Variants in TRIOBP observed in about 807,000 individuals in gnomAD.
TRIOBP encodes TRIO and F-actin-binding protein.
A neutral mutation model predicts 238.8 loss-of-function variants in TRIOBP; 169 were observed. The ratio of observed to expected loss-of-function variants is 0.71; its 90% CI spans 0.62 to 0.80. The LOEUF is 0.80. Ranked by LOEUF, TRIOBP falls within the 30% of genes least tolerant of loss-of-function variation. TRIOBP has a pLI of 0.00. For missense variants in TRIOBP, 2,838 were observed against 3,122.6 expected (o/e 0.91, Z 2.17); for synonymous variants, 1,150 against 1,274.4 (o/e 0.90, Z 2.08).
intron 18 of TRIOBP, among the ~76,000 whole-genome samples, chr22:37,766,369 G>T (rs1926494351): frequency 6.6e-6 from 1 of 152,268 alleles, no homozygotes; most frequent in Admixed American, 6.5e-5. Context: ...CTAGGGGTTT[G>T]CAGAACAATA....
At chr22:37,745,021 C>A (rs1393535007) in intron 11 of TRIOBP, among the ~76,000 whole-genome samples, 1 of 152,058 alleles carries the variant, frequency 6.6e-6, no homozygotes, top group Admixed American at 6.6e-5. Context: ...CCTGACACCA[C>A]GCCCGGCTAA....
At position 37,734,452 on chromosome 22, in the gene TRIOBP, GC is replaced by G; in HGVS notation, c.4121del (p.Pro1374LeufsTer70). On this transcript the variant is annotated frameshift_variant, in exon 9 of 24. Coordinates refer to ENST00000644935, the MANE Select transcript of TRIOBP (RefSeq NM_001039141.3). LOFTEE classifies it high-confidence loss of function. ...AELTRRSQAE[P>X]PHPWSPEKRP... The stretch of plus-strand genomic sequence containing the variant: ...AACTGACCCGGCGGAGCCAAGCAGA[GC>G]CCCCTCATCCTTGGAGTCCTGAGAA... The G allele has an allele frequency of 6.2e-7, 1 of 1,612,804 alleles. No individual in the cohort carries two copies. The highest frequency in any genetic ancestry group is 8.5e-7 in the Non-Finnish European group (1 of 1,179,746).
At chr22:37,764,675 C>T (rs553919144) in intron 17 of TRIOBP, among the ~76,000 whole-genome samples, 1 of 152,344 alleles carries the variant, frequency 6.6e-6, no homozygotes, top group African/African-American at 2.4e-5. Flanking sequence ...CCACCCCCAA[C>T]ACACACCGTT....
At chr22:37,744,095 G>A (rs1304365278) in intron 11 of TRIOBP, among the ~76,000 whole-genome samples, 1 of 146,764 alleles carries the variant, frequency 6.8e-6, no homozygotes, top group African/African-American at 2.5e-5. Flanking sequence ...CGCAACCTAC[G>A]CCTCCCAGGT....
In TRIOBP at chr22:37,713,211, G is replaced by A; in HGVS notation, c.256G>A (p.Gly86Ser). 1 of 1,613,056 alleles carries A rather than the reference G, an allele frequency of 6.2e-7. No individual in the cohort carries two copies. The highest frequency in any genetic ancestry group is 8.5e-7 in the Non-Finnish European group (1 of 1,179,634). ...DPGLRPGPKRGPSPSAGLPEE... is the reference protein window; with the variant it reads ...DPGLRPGPKRSPSPSAGLPEE... ...TTTTGGGTCTGTCTCCTCTCCCAGG[G>A]GCCCATCCCCCTCAGCAGGGCTCCC... Residue 86 changes from glycine to serine, a missense_variant and splice_region_variant, in exon 5 of 24, where the codon GGC becomes AGC. Physicochemically the swap from Gly to Ser is moderately conservative, Grantham distance 56. Around this residue, in one of 5 missense-constraint regions of TRIOBP, gnomAD observed 535 missense variants for 537.3 expected, o/e 1.00. Coordinates refer to ENST00000644935, the MANE Select transcript of TRIOBP (RefSeq NM_001039141.3).
At position 37,765,725 on chromosome 22, in the gene TRIOBP, AGGAGCTGCAGCGGCACCACGAGCG is replaced by A. The variant is rs1926456942; in HGVS notation, c.6393_6416del (p.His2132_Arg2139del). The A allele has an allele frequency of 1.3e-6, 2 of 1,562,046 alleles. No individual in the cohort carries two copies. The highest frequency in any genetic ancestry group is 2.7e-5 in the African/African-American group (2 of 73,496). On this transcript the variant is annotated inframe_deletion, in exon 18 of 24. Transcript: ENST00000644935. ...GAGTCCTCGCACCAGCAGGTGATGG[AGGAGCTGCAGCGGCACCACGAGCG>A]GGAGCTGCAGCGCCTGCAGCAGGAG...
intron 11 of TRIOBP, among the ~76,000 whole-genome samples, chr22:37,743,345 A>C (rs1384587169): frequency 6.6e-6 from 1 of 152,216 alleles, no homozygotes. Flanking sequence ...TTACCTTATT[A>C]TTCTCAGTAG....
At chr22:37,718,230 C>G (rs1233868825) in intron 6 of TRIOBP, among the ~76,000 whole-genome samples, 1 of 152,224 alleles carries the variant, frequency 6.6e-6, no homozygotes, top group African/African-American at 2.4e-5. Flanking sequence ...TCCCTCCACA[C>G]CTCCGTGCAA....
intron 21 of TRIOBP, among the ~76,000 whole-genome samples, chr22:37,770,555 T>G (rs1487212430): frequency 1.3e-5 from 2 of 152,128 alleles, no homozygotes; most frequent in African/African-American, 2.4e-5. Flanking sequence ...TTTTGTATTT[T>G]TAGTAGAGAC....
Position 37,733,311 on chromosome 22 carries a change from G to A in TRIOBP, c.3961G>A (p.Ala1321Thr), listed in dbSNP as rs1329573714. 6.4e-7 allele frequency: 1 copy of A among 1,550,828 alleles called. No individual in the cohort carries two copies. Among genetic ancestry groups the A allele is most frequent in the Non-Finnish European group, 8.7e-7 (1 of 1,147,036 alleles). Residue 1321 changes from alanine to threonine, a missense_variant, in exon 8 of 24, where the codon GCG becomes ACG. Physicochemically the swap from Ala to Thr is moderately conservative, Grantham distance 58. Coordinates refer to ENST00000644935, the MANE Select transcript of TRIOBP (RefSeq NM_001039141.3). ...FGQERRKSEA[A>T]GAFQAQDEGR... ...ATTTGCTCATAGGAAGTCCGAGGCA[G>A]CGGGGGCCTTCCAGGCCCAGGACGA...
At position 37,751,902 on chromosome 22, in the gene TRIOBP, G is replaced by A. The variant is rs530080653; in HGVS notation, c.5379+74G>A. 63 of 1,515,550 alleles carry A rather than the reference G, an allele frequency of 4.2e-5. 1 individual carries two copies. In the Middle Eastern group the frequency reaches 5.9e-4, roughly 14 times the overall value. 93.9% of individuals were successfully genotyped at this position (1,515,550 alleles called of 1,614,324 possible). Reference sequence around the variant, plus strand: ...GGGCCCCTGGGCAGCCCAGGAGTGGGGGTGGGGCTGGGGCTGGTGTGAGAA... The same window carrying A: ...GGGCCCCTGGGCAGCCCAGGAGTGGAGGTGGGGCTGGGGCTGGTGTGAGAA... On this transcript the variant is annotated intron_variant, in intron 12 of 23. Transcript: ENST00000644935.
intron 1 of TRIOBP, among the ~76,000 whole-genome samples, chr22:37,697,377 C>T (rs915596578): frequency 1.3e-5 from 2 of 152,126 alleles, no homozygotes; most frequent in Non-Finnish European, 2.9e-5. Context: ...AAATGAGCGG[C>T]GTTCTCCTGC....
At chr22:37,760,833 C>T (rs755136667) in intron 17 of TRIOBP, among the ~76,000 whole-genome samples, 1 of 151,878 alleles carries the variant, frequency 6.6e-6, no homozygotes. Context: ...AATAGCCGGG[C>T]GTGGTGGTGC....
chr22:37,755,342 C>G (rs1925860095), intron 14 of TRIOBP, 152 bp downstream of exon 14: 1 of 944,740 alleles, frequency 1.1e-6, no homozygotes, highest in South Asian at 1.4e-5. Flanking sequence ...AGCTGTGATG[C>G]CAACACTTAG....
chr22:37,706,989 C>T (rs893389859), intron 3 of TRIOBP, among the ~76,000 whole-genome samples: 4 of 151,986 alleles, frequency 2.6e-5, no homozygotes, highest in South Asian at 2.1e-4. Flanking sequence ...GACACTGGGC[C>T]GGGCGCGGTG....
intron 12 of TRIOBP, among the ~76,000 whole-genome samples, chr22:37,753,315 C>T (rs537240525): frequency 4.6e-5 from 7 of 152,074 alleles, no homozygotes; most frequent in African/African-American, 1.7e-4. Flanking sequence ...ACTCTTGTTG[C>T]CCAGGCTGGA....
intron 12 of TRIOBP, among the ~76,000 whole-genome samples, chr22:37,752,364 G>T (rs1347377072): frequency 1.3e-5 from 2 of 152,214 alleles, no homozygotes; most frequent in African/African-American, 2.4e-5. Flanking sequence ...GTGCCACAAA[G>T]CTCCTGGCAC....
chr22:37,747,743 G>A (rs1925360383), intron 11 of TRIOBP, among the ~76,000 whole-genome samples: 1 of 152,364 alleles, frequency 6.6e-6, no homozygotes, highest in African/African-American at 2.4e-5. Flanking sequence ...GATCCTTGAA[G>A]GTTGGTAGTA....
intron 5 of TRIOBP, among the ~76,000 whole-genome samples, chr22:37,715,200 A>T (rs1923450268): frequency 6.6e-6 from 1 of 152,086 alleles, no homozygotes; most frequent in South Asian, 2.1e-4. Context: ...TTTTTAATAG[A>T]GACAGGGTTT....
Sources: allele counts gnomAD v4.1 joint callset (sites outside exome capture counted in the v4.1 genomes callset), GRCh38; gene constraint gnomAD v4.1.1; regional missense constraint gnomAD v4.1.1; transcripts MANE v1.5; gene names NCBI Gene and HGNC (gene_info 2026-07-23, HGNC 2026-07-21).